MCF2L: variants seen among roughly 807,000 people sequenced by gnomAD.
MCF2L encodes MCF.2 cell line derived transforming sequence like.
MCF2L carries 97 observed loss-of-function variants against 153.4 expected under a neutral mutation model. The ratio of observed to expected loss-of-function variants is 0.63; its 90% CI spans 0.54 to 0.75. The LOEUF is 0.75. Among genes scored for constraint, MCF2L ranks in the 30% least tolerant of loss-of-function variants. The pLI is 0.00. For missense variants in MCF2L, 1,347 were observed against 1,495.2 expected (o/e 0.90, Z 1.64); for synonymous variants, 659 against 632.2 (o/e 1.04, Z -0.64).
At position 113,036,595 on chromosome 13, in the gene MCF2L, C is replaced by T. The variant is rs577928150; in HGVS notation, c.279-8676C>T. Reference sequence around the variant, plus strand: ...CAAGTGCGGGGTGGGTGAGTGGCAGCAGCCACCCACAGAAGGACGCGCTGT... The same window carrying T: ...CAAGTGCGGGGTGGGTGAGTGGCAGTAGCCACCCACAGAAGGACGCGCTGT... On this transcript the variant is annotated intron_variant, in intron 3 of 29. Coordinates refer to ENST00000535094, the MANE Select transcript of MCF2L (RefSeq NM_001112732.3). 5.3e-5 allele frequency among the ~76,000 whole-genome samples: 8 copies of T among 152,334 alleles called. No homozygotes were observed. In the South Asian group the frequency reaches 1.2e-3, roughly 24 times the overall value.
intron 2 of MCF2L, among the ~76,000 whole-genome samples, chr13:112,915,091 T>C (rs1407264655): frequency 1.3e-5 from 2 of 152,054 alleles, no homozygotes; most frequent in African/African-American, 2.4e-5. Flanking sequence ...TTTTCTGACC[T>C]GGGGATCCTA....
At chr13:112,980,073 T>G (rs1003906244) in intron 1 of MCF2L, among the ~76,000 whole-genome samples, 1 of 152,192 alleles carries the variant, frequency 6.6e-6, no homozygotes, top group Non-Finnish European at 1.5e-5. Context: ...GTGGGTTTAA[T>G]GAGGCTCCCC....
intron 1 of MCF2L, among the ~76,000 whole-genome samples, chr13:112,984,795 G>T (rs2082569833): frequency 6.6e-6 from 1 of 152,170 alleles, no homozygotes; most frequent in Admixed American, 6.5e-5. Context: ...AGGAAAGCTG[G>T]AAGGGGAGAG....
chr13:112,969,177 C>T (rs1006785895), upstream of MCF2L: 53 of 657,076 alleles, frequency 8.1e-5, no homozygotes, highest in Non-Finnish European at 1.1e-4. This position sits in a 1 kb window ranked among gnomAD's most constrained non-coding sequence, Gnocchi z 4.8. Flanking sequence ...CCGCCCCCCG[C>T]CCCCCGCGGC....
At chr13:112,896,098 C>T (rs951847710) in intron 1 of MCF2L, among the ~76,000 whole-genome samples, 1 of 152,212 alleles carries the variant, frequency 6.6e-6, no homozygotes, top group East Asian at 1.9e-4. Flanking sequence ...GCAGGGACCC[C>T]GTGGCACCAC....
At chr13:113,001,668 T>G in intron 1 of MCF2L, 1 of 1,327,856 alleles carries the variant, frequency 7.5e-7, no homozygotes, top group Non-Finnish European at 9.6e-7. Flanking sequence ...TCGCAACAGT[T>G]AAGCTGCCTG....
chr13:113,007,189 G>C (rs560393050), intron 1 of MCF2L, among the ~76,000 whole-genome samples: 1 of 152,220 alleles, frequency 6.6e-6, no homozygotes, highest in African/African-American at 2.4e-5. Context: ...TCCAGGGTCC[G>C]TGCAGAGCCC....
At chr13:113,025,974 C>T (rs1405506693) in intron 3 of MCF2L, among the ~76,000 whole-genome samples, 6 of 96,826 alleles carry the variant, frequency 6.2e-5, no homozygotes, top group Non-Finnish European at 4.4e-5. Context: ...GTCCCCGTGA[C>T]TGTGGGTCGG....
At chr13:112,962,699 C>CG (rs912772026) in intron 2 of MCF2L, among the ~76,000 whole-genome samples, 1 of 152,198 alleles carries the variant, frequency 6.6e-6, no homozygotes, top group South Asian at 2.1e-4. Context: ...GCCGTTCTCC[C>CG]GGGACCTCCC....
chr13:113,095,726 C>A, intron 27 of MCF2L: 1 of 995,006 alleles, frequency 1.0e-6, no homozygotes, highest in Non-Finnish European at 1.2e-6. Flanking sequence ...CAGCACCCCT[C>A]CGCAGCCCAC....
intron 1 of MCF2L, among the ~76,000 whole-genome samples, chr13:112,977,049 G>A (rs1404167496): frequency 1.3e-5 from 2 of 152,148 alleles, no homozygotes; most frequent in Admixed American, 6.5e-5. Flanking sequence ...TGTGCACGGC[G>A]GCTCCCACCC....
At chr13:113,076,566 A>G (rs1032598538) in intron 12 of MCF2L, among the ~76,000 whole-genome samples, 1 of 152,228 alleles carries the variant, frequency 6.6e-6, no homozygotes, top group Non-Finnish European at 1.5e-5. Context: ...CACCTGGCCC[A>G]TTTAATGAAT....
Position 113,085,262 on chromosome 13 carries a change from G to A in MCF2L, c.2247+84G>A, listed in dbSNP as rs146557655. The stretch of plus-strand genomic sequence containing the variant: ...GCCGCCCTGGGGCCCCGTCCCCATC[G>A]CGCCCTGCCCCTCCCAGGCCAAGGG... On this transcript the variant is annotated intron_variant, in intron 20 of 29. Coordinates refer to ENST00000535094, the MANE Select transcript of MCF2L (RefSeq NM_001112732.3). 2.4e-4 allele frequency: 291 copies of A among 1,194,146 alleles called. 1 individual carries two copies. In the Middle Eastern group the frequency reaches 6.7e-3, roughly 28 times the overall value. 74.0% of individuals were successfully genotyped at this position (1,194,146 alleles called of 1,614,324 possible). A position where few individuals can be genotyped will look rare whatever the true frequency, so the allele number is the denominator to read the frequency against.
chr13:112,950,695 G>A (rs1311735210), intron 2 of MCF2L, among the ~76,000 whole-genome samples: 3 of 152,152 alleles, frequency 2.0e-5, no homozygotes, highest in Non-Finnish European at 2.9e-5. Context: ...AGAACCATGA[G>A]CCAAGTTTTA....
intron 27 of MCF2L, 139 bp downstream of exon 27, chr13:113,094,774 T>C: frequency 8.3e-7 from 1 of 1,202,240 alleles, no homozygotes; most frequent in Non-Finnish European, 1.2e-6. Context: ...CACATGGGCC[T>C]GGGTCTTACG....
At position 112,904,291 on chromosome 13, in the gene MCF2L, G is replaced by A. The variant is rs921552428; in HGVS notation, c.169+1920G>A. ...TGCTCCTATTATTTCTCAACGTACC[G>A]AGCTCTCCCAGGCTCAGGAGCATGT... On this transcript the variant is annotated intron_variant, in intron 2 of 29. Coordinates refer to the MCF2L transcript ENST00000375608. The surrounding 1 kb of genome is among the most constrained non-coding windows in gnomAD (Gnocchi z 4.2). Among the ~76,000 whole-genome samples, 10 of 152,100 alleles carry A rather than the reference G, an allele frequency of 6.6e-5. No homozygotes were observed. Among genetic ancestry groups the A allele is most frequent in the South Asian group, 2.1e-4 (1 of 4,792 alleles).
chr13:113,095,018 G>A (rs1410435707), intron 27 of MCF2L: 1 of 1,374,960 alleles, frequency 7.3e-7, no homozygotes, highest in Admixed American at 1.9e-5. Context: ...ACCTTCCTCA[G>A]AGGAGACAGT....
chr13:113,001,883 CG>C, intron 1 of MCF2L: 1 of 1,575,040 alleles, frequency 6.3e-7, no homozygotes. Context: ...GGAGCCGGGT[CG>C]GGGGCTCCTG....
intron 2 of MCF2L, among the ~76,000 whole-genome samples, chr13:112,921,578 A>G (rs1187895912): frequency 6.6e-6 from 1 of 152,250 alleles, no homozygotes; most frequent in Admixed American, 6.5e-5. Context: ...GAGTCGGTCA[A>G]CCTGCGAACA....
Sources: allele counts gnomAD v4.1 joint callset (sites outside exome capture counted in the v4.1 genomes callset), GRCh38; gene constraint gnomAD v4.1.1; non-coding constraint Gnocchi (gnomAD v3.1); transcripts MANE v1.5; gene names NCBI Gene and HGNC (gene_info 2026-07-23, HGNC 2026-07-21).